The following PSD3 variants were observed in gnomAD, a reference collection of about 807,000 sequenced individuals.
PSD3 encodes pleckstrin and Sec7 domain containing 3.
In PSD3, 49 loss-of-function variants were observed where a neutral mutation model predicts 105.5. The ratio of observed to expected loss-of-function variants is 0.46; its 90% CI spans 0.37 to 0.59. PSD3 has a LOEUF of 0.59. PSD3 is among the 20% of genes least tolerant of loss of function. The pLI is 0.00. For missense variants in PSD3, 1,561 were observed against 1,263.8 expected (o/e 1.24, Z -3.57); for synonymous variants, 557 against 457.8 (o/e 1.22, Z -2.77).
chr8:18,883,586 T>C (rs1387625568), intron 2 of PSD3, among the ~76,000 whole-genome samples: 3 of 152,200 alleles, frequency 2.0e-5, no homozygotes, highest in Admixed American at 2.0e-4. Context: ...TTATTATTTG[T>C]ACACAGCCTT....
intron 4 of PSD3, among the ~76,000 whole-genome samples, chr8:18,845,481 G>A (rs1381254405): frequency 6.6e-6 from 1 of 152,190 alleles, no homozygotes; most frequent in Non-Finnish European, 1.5e-5. Flanking sequence ...GCATTCGGAA[G>A]ACAGGTGCGT....
At chr8:18,799,487 A>C (rs1810495958) in intron 7 of PSD3, 134 bp from the exon 8 acceptor site, 2 of 678,560 alleles carry the variant, frequency 2.9e-6, no homozygotes, top group Non-Finnish European at 5.0e-6. Context: ...CTGTTTTAAG[A>C]AACAAAAAAT....
At chr8:18,625,442 G>T (rs982077506) in intron 11 of PSD3, among the ~76,000 whole-genome samples, 1 of 152,066 alleles carries the variant, frequency 6.6e-6, no homozygotes, top group African/African-American at 2.4e-5. Flanking sequence ...GCTACAGGGA[G>T]CTGTGAAAAC....
intron 9 of PSD3, among the ~76,000 whole-genome samples, chr8:18,663,473 C>T (rs1404201211): frequency 6.6e-6 from 1 of 151,318 alleles, no homozygotes; most frequent in Non-Finnish European, 1.5e-5. Flanking sequence ...AATGTAATTG[C>T]TAATTATCTT....
chr8:18,566,190 A>C (rs1443179465), intron 14 of PSD3, among the ~76,000 whole-genome samples: 2 of 152,184 alleles, frequency 1.3e-5, no homozygotes, highest in Non-Finnish European at 2.9e-5. Flanking sequence ...CTTTAGAAAC[A>C]AACCTTATGA....
At chr8:18,961,912 C>T (rs1168003334) in intron 1 of PSD3, among the ~76,000 whole-genome samples, 1 of 152,108 alleles carries the variant, frequency 6.6e-6, no homozygotes, top group African/African-American at 2.4e-5. Flanking sequence ...TAATTGATGG[C>T]TTGCTTTCCT....
chr8:18,989,218 C>G (rs578059730), intron 1 of PSD3: 43 of 152,292 alleles, frequency 2.8e-4, no homozygotes, highest in African/African-American at 9.9e-4. Context: ...GCACAATGTT[C>G]TAGAAGCCAT....
At chr8:18,829,461 T>C (rs1476304429) in intron 4 of PSD3, among the ~76,000 whole-genome samples, 1 of 152,200 alleles carries the variant, frequency 6.6e-6, no homozygotes, top group African/African-American at 2.4e-5. Flanking sequence ...AACGTTCTAG[T>C]GCCTATAGAA....
chr8:18,979,494 C>T (rs2129472653), intron 1 of PSD3: 1 of 152,238 alleles, frequency 6.6e-6, no homozygotes, highest in Admixed American at 6.5e-5. Flanking sequence ...ATATGGTCTG[C>T]CCACAGTTCT....
chr8:18,635,407 C>T (rs763264709), intron 10 of PSD3, among the ~76,000 whole-genome samples: 1 of 152,020 alleles, frequency 6.6e-6, no homozygotes, highest in African/African-American at 2.4e-5. Context: ...GTGTGGTCAA[C>T]GATGGACAGC....
intron 4 of PSD3, among the ~76,000 whole-genome samples, chr8:18,863,291 C>G (rs144650552): frequency 6.6e-6 from 1 of 152,268 alleles, no homozygotes; most frequent in African/African-American, 2.4e-5. Context: ...AGCCGGCGAG[C>G]GAGAAGCACT....
intron 15 of PSD3, among the ~76,000 whole-genome samples, chr8:18,546,612 G>A (rs553922048): frequency 6.6e-6 from 1 of 152,094 alleles, no homozygotes; most frequent in Non-Finnish European, 1.5e-5. Context: ...AATTTCACCT[G>A]TTTCATCTAT....
At chr8:18,842,764 T>A (rs146727127) in intron 4 of PSD3, among the ~76,000 whole-genome samples, 6,149 of 152,114 alleles carry the variant, frequency 0.04, 135 homozygotes, top group Admixed American at 0.07. Context: ...TTTACTAGTA[T>A]ACAGACTATT....
At chr8:18,800,835 G>A (rs1246415577) in intron 7 of PSD3, among the ~76,000 whole-genome samples, 1 of 152,106 alleles carries the variant, frequency 6.6e-6, no homozygotes, top group Non-Finnish European at 1.5e-5. Flanking sequence ...CAGGATACAT[G>A]AGCTTTCATC....
intron 13 of PSD3, among the ~76,000 whole-genome samples, chr8:18,574,692 A>C (rs1361252297): frequency 6.6e-6 from 1 of 152,114 alleles, no homozygotes; most frequent in Non-Finnish European, 1.5e-5. Context: ...CACTTATCTC[A>C]CTGACTTCTC....
intron 10 of PSD3, among the ~76,000 whole-genome samples, chr8:18,635,126 T>C (rs907617495): frequency 3.3e-5 from 5 of 152,158 alleles, no homozygotes; most frequent in Admixed American, 2.0e-4. Flanking sequence ...GCTTTGGCCA[T>C]TGGGAGTTAT....
chr8:19,033,755 G>A (rs981620264), intron 1 of PSD3, among the ~76,000 whole-genome samples: 5 of 151,974 alleles, frequency 3.3e-5, no homozygotes, highest in Non-Finnish European at 5.9e-5. Context: ...AAGTGGTTGG[G>A]ATGGAATTGA....
chr8:18,725,856 C>T (rs538750085), intron 9 of PSD3, among the ~76,000 whole-genome samples: 14 of 152,136 alleles, frequency 9.2e-5, no homozygotes, highest in Non-Finnish European at 2.1e-4. Flanking sequence ...TTAGTGGCAC[C>T]AATGGCAATG....
At chr8:19,030,379 C>T (rs561723697) in intron 1 of PSD3, among the ~76,000 whole-genome samples, 18 of 152,236 alleles carry the variant, frequency 1.2e-4, no homozygotes, top group African/African-American at 4.1e-4. Context: ...TTTGTCCCCA[C>T]CCAAATCTCG....
Sources: gnomAD v4.1 joint callset for allele counts (sites outside exome capture counted in the v4.1 genomes callset) on GRCh38, gnomAD v4.1.1 for gene constraint, MANE v1.5 for transcripts, NCBI Gene and HGNC (gene_info 2026-07-23, HGNC 2026-07-21) for gene names.